STARD13: variants seen among roughly 807,000 people sequenced by gnomAD.
The protein encoded by STARD13 is StAR related lipid transfer domain containing 13.
STARD13 carries 62 observed loss-of-function variants against 106.4 expected under a neutral mutation model. The ratio of observed to expected loss-of-function variants is 0.58; its 90% confidence interval spans 0.48 to 0.72. The LOEUF (loss-of-function observed/expected upper bound fraction) is 0.72, where lower values mean the gene tolerates loss of function less well. Ranked by LOEUF, STARD13 falls within the 30% of genes least tolerant of loss-of-function variation. The probability of loss-of-function intolerance (pLI) is 0.00; values close to 1 mark genes in which losing one functional copy is unlikely to be tolerated. For missense variants in STARD13, 1,387 were observed against 1,424.0 expected (o/e 0.97, Z 0.42); for synonymous variants, 565 against 553.0 (o/e 1.02, Z -0.31).
chr13:33,279,463 A>G (rs1891651222), intron 1 of STARD13: 1 of 152,218 alleles, frequency 6.6e-6, no homozygotes, highest in Admixed American at 6.5e-5. Flanking sequence ...TACTTAAGCT[A>G]AAGTTACAGA....
chr13:33,211,084 G>A (rs1322927917), intron 1 of STARD13, among the ~76,000 whole-genome samples: 2 of 151,762 alleles, frequency 1.3e-5, no homozygotes, highest in East Asian at 3.9e-4. Context: ...TATAGGACAG[G>A]ATCATTCCTT....
the STARD13 span, among the ~76,000 whole-genome samples, chr13:33,459,324 T>G: frequency 6.6e-6 from 1 of 152,212 alleles, no homozygotes; most frequent in South Asian, 2.1e-4. Flanking sequence ...TTTGCATTCT[T>G]TAAAATTTTG....
intron 1 of STARD13, among the ~76,000 whole-genome samples, chr13:33,222,449 A>G (rs1888408879): frequency 6.6e-6 from 1 of 152,034 alleles, no homozygotes; most frequent in African/African-American, 2.4e-5. Flanking sequence ...GAGATGGCAA[A>G]CTTTATGTTA....
chr13:33,633,517 C>T, the STARD13 span, among the ~76,000 whole-genome samples: 1 of 152,166 alleles, frequency 6.6e-6, no homozygotes. Flanking sequence ...GCTAAATGTC[C>T]TTCACAGATT....
At chr13:33,568,119 C>T in the STARD13 span, among the ~76,000 whole-genome samples, 2 of 147,848 alleles carry the variant, frequency 1.4e-5, no homozygotes, top group African/African-American at 5.0e-5. Flanking sequence ...GTTTACTCTG[C>T]CAAACAGGCA....
chr13:33,186,363 G>A (rs1046657881), intron 1 of STARD13, among the ~76,000 whole-genome samples: 5 of 152,122 alleles, frequency 3.3e-5, no homozygotes, highest in Non-Finnish European at 5.9e-5. Flanking sequence ...TTTTAGTAGC[G>A]AACAGAACTC....
At chr13:33,543,046 G>T in the STARD13 span, among the ~76,000 whole-genome samples, 1 of 152,214 alleles carries the variant, frequency 6.6e-6, no homozygotes, top group Non-Finnish European at 1.5e-5. Flanking sequence ...AAAATGGAGC[G>T]GAAACTGTTC....
intron 1 of STARD13, among the ~76,000 whole-genome samples, chr13:33,259,646 T>G (rs1890538214): frequency 6.6e-6 from 1 of 152,220 alleles, no homozygotes; most frequent in Non-Finnish European, 1.5e-5. Context: ...ATGGTTCAGT[T>G]GGGCCTAGGA....
chr13:33,650,171 T>C, the STARD13 span, among the ~76,000 whole-genome samples: 1 of 54,730 alleles, frequency 1.8e-5, no homozygotes, highest in Non-Finnish European at 3.1e-5. Context: ...CCAATTTTTT[T>C]TTTTTTTTTT....
chr13:33,176,291 CAG>C (rs1884513142), intron 1 of STARD13, among the ~76,000 whole-genome samples: 1 of 152,162 alleles, frequency 6.6e-6, no homozygotes, highest in Non-Finnish European at 1.5e-5. Flanking sequence ...GGCACTGGCT[CAG>C]AGTGTAAATA....
intron 1 of STARD13, among the ~76,000 whole-genome samples, chr13:33,229,677 T>C (rs1181842492): frequency 6.6e-6 from 1 of 152,208 alleles, no homozygotes; most frequent in South Asian, 2.1e-4. Flanking sequence ...CTAGCTTTGG[T>C]TAATTAGCAA....
At chr13:33,566,732 G>A in the STARD13 span, among the ~76,000 whole-genome samples, 6 of 147,586 alleles carry the variant, frequency 4.1e-5, 1 homozygote, top group East Asian at 2.0e-4. Context: ...ATTCCCAGTC[G>A]CAAGTCTTTT....
intron 1 of STARD13, among the ~76,000 whole-genome samples, chr13:33,262,728 C>T (rs575910874): frequency 2.7e-5 from 4 of 150,278 alleles, no homozygotes; most frequent in Non-Finnish European, 5.9e-5. Context: ...TTACAAGTCT[C>T]GATCTGGGAG....
the STARD13 span, among the ~76,000 whole-genome samples, chr13:33,519,240 CT>C: frequency 2.0e-5 from 3 of 150,268 alleles, no homozygotes; most frequent in Non-Finnish European, 4.4e-5. Flanking sequence ...TTCTTTCTTT[CT>C]TTCTTTCTTT....
At chr13:33,661,640 A>G in the STARD13 span, among the ~76,000 whole-genome samples, 1 of 152,162 alleles carries the variant, frequency 6.6e-6, no homozygotes. Flanking sequence ...CCAGCAGGGG[A>G]AATGCCATGC....
chr13:33,305,909 A>G (rs966081636), intron 1 of STARD13, among the ~76,000 whole-genome samples: 14 of 152,246 alleles, frequency 9.2e-5, no homozygotes, highest in Non-Finnish European at 1.6e-4. Context: ...GCTTAAAGCA[A>G]TTTATAGATT....
chr13:33,586,757 G>T, the STARD13 span, among the ~76,000 whole-genome samples: 1 of 152,010 alleles, frequency 6.6e-6, no homozygotes, highest in Non-Finnish European at 1.5e-5. Context: ...CTATGACCCT[G>T]ATAGGTGAAT....
In STARD13 at chr13:33,127,375, T is replaced by G; in HGVS notation, c.1920A>C (p.Thr640=). ...KHSMSNKHGW[T]WSVPKFMKRM... is the part of the protein sequence containing the mutation. ...TCCTAGGTGAATGTGCTACGCACCA[T>G]GTCCAGCCGTGCTTGTTGGACATGG... Residue 640 remains threonine, a splice_region_variant and synonymous_variant, in exon 6 of 14, where the codon ACA becomes ACC. Transcript: ENST00000336934. 2 of 1,591,992 alleles carry G rather than the reference T, an allele frequency of 1.3e-6. No homozygotes were observed. The highest frequency in any genetic ancestry group is 1.7e-6 in the Non-Finnish European group (2 of 1,169,466).
chr13:33,133,737 T>A (rs1878667556), intron 4 of STARD13, among the ~76,000 whole-genome samples: 1 of 152,204 alleles, frequency 6.6e-6, no homozygotes, highest in Non-Finnish European at 1.5e-5. Context: ...GCCTATTTTA[T>A]TTTTTTAAAT....
Sources: allele counts gnomAD v4.1 joint callset (sites outside exome capture counted in the v4.1 genomes callset), GRCh38; gene constraint gnomAD v4.1.1; transcripts MANE v1.5; gene names NCBI Gene and HGNC (gene_info 2026-07-23, HGNC 2026-07-21).